KLHL1: variants seen among roughly 807,000 people sequenced by gnomAD.
KLHL1 encodes the protein kelch-like protein 1.
In KLHL1, 47 loss-of-function variants were observed where a neutral mutation model predicts 77.7. That is an observed-to-expected ratio of 0.60 (90% confidence interval 0.48 to 0.77). The LOEUF is 0.77. Among genes scored for constraint, KLHL1 ranks in the 30% least tolerant of loss-of-function variants. The probability of loss-of-function intolerance (pLI) is 0.00; values close to 1 mark genes in which losing one functional copy is unlikely to be tolerated. For missense variants in KLHL1, 925 were observed against 910.8 expected (o/e 1.02, Z -0.20); for synonymous variants, 360 against 325.2 (o/e 1.11, Z -1.15).
chr13:70,106,017 T>A (rs901530764), intron 1 of KLHL1, among the ~76,000 whole-genome samples: 2 of 150,978 alleles, frequency 1.3e-5, no homozygotes, highest in African/African-American at 4.8e-5. Context: ...TGAAAATTTT[T>A]AAGGATATTT....
intron 10 of KLHL1, among the ~76,000 whole-genome samples, chr13:69,703,731 G>A (rs555385725): frequency 9.9e-5 from 15 of 151,462 alleles, no homozygotes; most frequent in Non-Finnish European, 2.1e-4. Context: ...AGATATGTTC[G>A]ATACACAAAC....
Position 69,744,340 on chromosome 13 carries a change from C to T in KLHL1, c.1640-3784G>A, listed in dbSNP as rs183322629. Among the ~76,000 whole-genome samples, 349 of 152,048 alleles carry T rather than the reference C, an allele frequency of 2.3e-3. 1 individual carries two copies. Among genetic ancestry groups the T allele is most frequent in the African/African-American group, 8.0e-3 (331 of 41,516 alleles). On this transcript the variant is annotated intron_variant, in intron 7 of 10. Transcript: ENST00000377844. ...ATATTTCTGACCAACTGCATATTTC[C>T]GTAGGATTTGAAAATAGGTTCTGCA...
intron 7 of KLHL1, among the ~76,000 whole-genome samples, chr13:69,792,386 AT>A (rs1161664477): frequency 6.6e-6 from 1 of 152,186 alleles, no homozygotes; most frequent in Non-Finnish European, 1.5e-5. Flanking sequence ...TACTGGGATT[AT>A]TTAAATAAAA....
At chr13:69,720,161 G>A (rs1000084814) in intron 8 of KLHL1, among the ~76,000 whole-genome samples, 6 of 152,098 alleles carry the variant, frequency 3.9e-5, no homozygotes, top group Non-Finnish European at 5.9e-5. Flanking sequence ...ATGTTAGTAT[G>A]ATTGAAAATT....
chr13:70,020,732 A>G (rs979320242), intron 1 of KLHL1, among the ~76,000 whole-genome samples: 1 of 152,040 alleles, frequency 6.6e-6, no homozygotes, highest in East Asian at 1.9e-4. Flanking sequence ...TACTGAAGTG[A>G]CAATACTAGT....
At chr13:70,003,357 G>A (rs970183972) in intron 1 of KLHL1, among the ~76,000 whole-genome samples, 3 of 151,716 alleles carry the variant, frequency 2.0e-5, no homozygotes, top group South Asian at 2.1e-4. Flanking sequence ...GCAATCAGAT[G>A]CCTGATTCCT....
At chr13:69,847,414 A>G (rs7140109) in intron 5 of KLHL1, among the ~76,000 whole-genome samples, 1 of 29,946 alleles carries the variant, frequency 3.3e-5, no homozygotes, top group African/African-American at 9.5e-5. Context: ...CAAAAAAAAA[A>G]AAAAAAAAAA....
chr13:69,853,840 A>G (rs1301406639), intron 5 of KLHL1, among the ~76,000 whole-genome samples: 2 of 151,984 alleles, frequency 1.3e-5, no homozygotes, highest in African/African-American at 4.8e-5. Flanking sequence ...TGAAGACATT[A>G]CATCTTCTTC....
chr13:69,882,259 T>C (rs774087124), intron 5 of KLHL1, 24 bp downstream of exon 5: 1 of 1,521,912 alleles, frequency 6.6e-7, no homozygotes, highest in South Asian at 1.1e-5. Context: ...TTGAATCTAT[T>C]TAAACAGCGT....
At position 69,829,814 on chromosome 13, in the gene KLHL1, C is replaced by A. The variant is rs1363261910; in HGVS notation, c.1414+9162G>T. Among the ~76,000 whole-genome samples, 2 of 150,046 alleles carry A rather than the reference C, an allele frequency of 1.3e-5. 1 individual carries two copies. The highest frequency in any genetic ancestry group is 3.0e-5 in the Non-Finnish European group (2 of 67,788). ...TTATCTTTAGCCTCCTTAAACAAAACAATTATCGACCAAGAATTTTGTATC... is the reference window on the plus strand; with the variant it reads ...TTATCTTTAGCCTCCTTAAACAAAAAAATTATCGACCAAGAATTTTGTATC... On this transcript the variant is annotated intron_variant, in intron 6 of 10. Coordinates refer to ENST00000377844, the MANE Select transcript of KLHL1 (RefSeq NM_020866.3).
chr13:70,098,281 T>A (rs1887841059), intron 1 of KLHL1, among the ~76,000 whole-genome samples: 1 of 151,878 alleles, frequency 6.6e-6, no homozygotes, highest in Non-Finnish European at 1.5e-5. Context: ...CTTAGAGTAA[T>A]TTAGAAAAGC....
chr13:69,983,052 C>T (rs554209780), intron 1 of KLHL1, among the ~76,000 whole-genome samples: 24 of 152,074 alleles, frequency 1.6e-4, no homozygotes, highest in Non-Finnish European at 3.4e-4. Context: ...TAGTATTCTT[C>T]TACCTCAACA....
intron 3 of KLHL1, among the ~76,000 whole-genome samples, chr13:69,945,792 C>T (rs562272484): frequency 8.7e-4 from 132 of 152,214 alleles, no homozygotes; most frequent in Non-Finnish European, 1.2e-3. Flanking sequence ...AGTTTTATCT[C>T]TCCTATGATT....
intron 7 of KLHL1, among the ~76,000 whole-genome samples, chr13:69,784,209 G>A (rs1185343899): frequency 1.3e-5 from 2 of 152,052 alleles, no homozygotes; most frequent in East Asian, 3.9e-4. Flanking sequence ...AGGAAAAACC[G>A]GTACCAGCCA....
chr13:69,999,888 G>A (rs9542151), intron 1 of KLHL1, among the ~76,000 whole-genome samples: 25,671 of 152,018 alleles, frequency 0.17, 2,291 homozygotes, highest in East Asian at 0.19. Flanking sequence ...TCCTTTTATG[G>A]ATACTAATAT....
chr13:69,778,100 A>G (rs374026353), intron 7 of KLHL1, among the ~76,000 whole-genome samples: 41 of 152,192 alleles, frequency 2.7e-4, no homozygotes, highest in Middle Eastern at 3.4e-3. Flanking sequence ...GAAGATAGTA[A>G]AACAGTTAAT....
intron 1 of KLHL1, among the ~76,000 whole-genome samples, chr13:70,078,302 A>G (rs1410057932): frequency 1.3e-5 from 2 of 152,072 alleles, no homozygotes; most frequent in South Asian, 4.1e-4. Context: ...GCTTATATTA[A>G]AAAGGTCATA....
rs1179429768 is a variant in KLHL1 at position 69,894,989 on chromosome 13, C to T, written c.1015-12494G>A. The T allele has an allele frequency of 1.2e-5, 6 of 500,196 alleles. No individual in the cohort carries two copies. In the Admixed American group the frequency reaches 1.3e-4, roughly 11 times the overall value. The allele number at this position is 500,196 out of a possible 1,614,324, so 31.0% of individuals were successfully genotyped here. On this transcript the variant is annotated intron_variant, in intron 4 of 10. Transcript: ENST00000377844. ...ATGCTGATGTAGTGTTCTGAGCTCA[C>T]AAATGTAGACACGGTGGTATGATTG...
At chr13:69,981,570 T>G (rs1322988763) in intron 1 of KLHL1, among the ~76,000 whole-genome samples, 5 of 152,016 alleles carry the variant, frequency 3.3e-5, no homozygotes, top group African/African-American at 1.2e-4. Context: ...CCCAGTAAAC[T>G]TAGTGTGTAT....
Sources: allele counts gnomAD v4.1 joint callset (sites outside exome capture counted in the v4.1 genomes callset), GRCh38; gene constraint gnomAD v4.1.1; transcripts MANE v1.5; gene names NCBI Gene and HGNC (gene_info 2026-07-23, HGNC 2026-07-21).